The following ATP13A5 variants were observed in gnomAD, a reference collection of about 807,000 sequenced individuals.
ATP13A5 encodes probable cation-transporting ATPase 13A5.
In ATP13A5, 149 loss-of-function variants were observed where a neutral mutation model predicts 150.2. That is an observed-to-expected ratio of 0.99 (90% CI 0.87 to 1.14). ATP13A5 has a LOEUF of 1.14. Among genes scored for constraint, ATP13A5 ranks in the 50% most tolerant of loss-of-function variants. ATP13A5 has a pLI of 0.00. For synonymous variants in ATP13A5, 497 were observed against 522.2 expected (o/e 0.95, Z 0.66); for missense variants, 1,383 against 1,449.3 (o/e 0.95, Z 0.74).
chr3:193,333,695 G>A, intron 11 of ATP13A5, 55 bp downstream of exon 11: 2 of 1,530,360 alleles, frequency 1.3e-6, no homozygotes, highest in Non-Finnish European at 1.8e-6. Context: ...CTCTGAGTTA[G>A]GTCAAGCTCT....
At chr3:193,377,182 A>G (rs1299022763) in intron 1 of ATP13A5, among the ~76,000 whole-genome samples, 1 of 152,276 alleles carries the variant, frequency 6.6e-6, no homozygotes, top group African/African-American at 2.4e-5. Context: ...ACTCTTATCT[A>G]CATGTTGAAA....
At chr3:193,281,490 T>C (rs565085243) in intron 27 of ATP13A5, among the ~76,000 whole-genome samples, 72 of 152,332 alleles carry the variant, frequency 4.7e-4, no homozygotes, top group Non-Finnish European at 6.6e-4. Context: ...TTAATGCAGG[T>C]GCTTTAGGAA....
chr3:193,317,435 T>G (rs970354685), intron 17 of ATP13A5, among the ~76,000 whole-genome samples: 3 of 152,218 alleles, frequency 2.0e-5, no homozygotes, highest in African/African-American at 7.2e-5. Flanking sequence ...AAATAAGTTC[T>G]CAATTCCTTG....
Position 193,314,139 on chromosome 3 carries a change from G to A in ATP13A5, c.2213C>T (p.Pro738Leu). 6.2e-7 allele frequency: 1 copy of A among 1,613,790 alleles called. No individual in the cohort carries two copies. The highest frequency in any genetic ancestry group is 8.5e-7 in the Non-Finnish European group (1 of 1,179,780). The change falls in exon 19 of 30, where the codon CCA (proline) becomes CTA (leucine). Residue 738 changes from proline (P) to leucine (L), a missense_variant. By Grantham distance (98) the Pro-to-Leu change is moderately conservative. Transcript: ENST00000342358. ...TVAKNSEMIP[P>L]GSQVIIVEAD... ...CTCAACAATGATCACTTGGCTGCCT[G>A]GAGGGATCATTTCAGAATTCTTTGC...
intron 5 of ATP13A5, among the ~76,000 whole-genome samples, chr3:193,358,436 C>G (rs1712874126): frequency 6.6e-6 from 1 of 152,132 alleles, no homozygotes. Context: ...AGAGTGCTGG[C>G]CTTCGAGCCC....
chr3:193,351,316 A>G, intron 6 of ATP13A5, 115 bp from the exon 7 acceptor site: 1 of 1,198,840 alleles, frequency 8.3e-7, no homozygotes. Context: ...ACAAACCTCT[A>G]ATATTTAAGA....
At chr3:193,354,340 C>A in intron 5 of ATP13A5, 144 bp from the exon 6 acceptor site, 1 of 683,252 alleles carries the variant, frequency 1.5e-6, no homozygotes, top group Non-Finnish European at 2.4e-6. Context: ...TCTTTTGAAA[C>A]GTAATTCTAA....
At chr3:193,330,275 C>T (rs575726736) in intron 12 of ATP13A5, among the ~76,000 whole-genome samples, 1 of 152,360 alleles carries the variant, frequency 6.6e-6, no homozygotes, top group East Asian at 1.9e-4. Flanking sequence ...TCTACACTCC[C>T]ATTTTCCTGC....
intron 28 of ATP13A5, chr3:193,277,575 T>C (rs1370855392): frequency 6.6e-6 from 1 of 152,232 alleles, no homozygotes; most frequent in Non-Finnish European, 1.5e-5. Flanking sequence ...TTATCCCTAA[T>C]TCTCACCCCT....
chr3:193,372,947 T>C (rs546224592), intron 1 of ATP13A5, among the ~76,000 whole-genome samples: 2 of 152,316 alleles, frequency 1.3e-5, no homozygotes, highest in South Asian at 2.1e-4. Flanking sequence ...TTCAACCTGA[T>C]AATATACATG....
chr3:193,344,960 C>A, intron 8 of ATP13A5, 43 bp downstream of exon 8: 1 of 1,538,196 alleles, frequency 6.5e-7, no homozygotes, highest in South Asian at 1.1e-5. Context: ...CAATTCCCCC[C>A]TGAAATATTA....
rs1560113165 is a variant in ATP13A5 at position 193,284,900 on chromosome 3, CTT to C, written c.3226+12_3226+13del. 6.3e-7 allele frequency: 1 copy of C among 1,595,372 alleles called. No homozygotes were observed. Among genetic ancestry groups the C allele is most frequent in the Non-Finnish European group, 8.6e-7 (1 of 1,168,482 alleles). On this transcript the variant is annotated intron_variant, in intron 27 of 29. Transcript: ENST00000342358. The stretch of plus-strand genomic sequence containing the variant: ...AAAATATTCAGAAAGAAAAATTAAA[CTT>C]TATATACTTACAGTTTGTATAGATG...
intron 5 of ATP13A5, among the ~76,000 whole-genome samples, chr3:193,355,819 A>G (rs1712761269): frequency 6.6e-6 from 1 of 152,076 alleles, no homozygotes; most frequent in Non-Finnish European, 1.5e-5. Flanking sequence ...AGAACTTAGG[A>G]CCCCAAACTC....
At chr3:193,354,704 G>A (rs1416450042) in intron 5 of ATP13A5, among the ~76,000 whole-genome samples, 1 of 151,948 alleles carries the variant, frequency 6.6e-6, no homozygotes, top group Non-Finnish European at 1.5e-5. Context: ...GGCCTTCATG[G>A]CTAACACTTG....
intron 7 of ATP13A5, among the ~76,000 whole-genome samples, chr3:193,350,046 T>C (rs1412366860): frequency 2.0e-5 from 3 of 152,096 alleles, no homozygotes; most frequent in Non-Finnish European, 4.4e-5. Flanking sequence ...TGATATATCA[T>C]GGAATATTAT....
chr3:193,349,801 T>TA (rs894083612), intron 7 of ATP13A5, among the ~76,000 whole-genome samples: 1 of 152,104 alleles, frequency 6.6e-6, no homozygotes, highest in Admixed American at 6.6e-5. Context: ...GTTTCTGATT[T>TA]AAAAAAATTC....
chr3:193,302,021 A>G (rs1043353382), intron 23 of ATP13A5, among the ~76,000 whole-genome samples: 1 of 152,192 alleles, frequency 6.6e-6, no homozygotes, highest in Non-Finnish European at 1.5e-5. Context: ...ACAGGTTAGA[A>G]GAAAAAAATG....
At chr3:193,276,068 T>C (rs1717186067) in intron 29 of ATP13A5, among the ~76,000 whole-genome samples, 1 of 152,192 alleles carries the variant, frequency 6.6e-6, no homozygotes, top group Non-Finnish European at 1.5e-5. Flanking sequence ...TATTTTTCTC[T>C]TCTTTTGGGT....
At position 193,365,712 on chromosome 3, in the gene ATP13A5, C is replaced by CA. The variant is rs148857189; in HGVS notation, c.64-1433dup. 3.2e-3 allele frequency among the ~76,000 whole-genome samples: 483 copies of CA among 152,196 alleles called. 4 individuals are homozygous for CA. The highest frequency in any genetic ancestry group is 0.011 in the African/African-American group (450 of 41,566). ...ATTTGGAATTTTAGTCTAGCTTGTA[C>CA]ATGAAATGAGCTCATTCATAAATAA... On this transcript the variant is annotated intron_variant, in intron 1 of 29. Transcript: ENST00000342358.
Sources: allele counts gnomAD v4.1 joint callset (sites outside exome capture counted in the v4.1 genomes callset), GRCh38; gene constraint gnomAD v4.1.1; transcripts MANE v1.5; gene names NCBI Gene and HGNC (gene_info 2026-07-23, HGNC 2026-07-21).